SMS: variants seen among roughly 807,000 people sequenced by gnomAD.
The protein encoded by SMS is spermine synthase.
In SMS, 3 loss-of-function variants were observed where a neutral mutation model predicts 33.0. The observed-to-expected ratio is 0.09, with a 90% CI of 0.04 to 0.23. The LOEUF (loss-of-function observed/expected upper bound fraction) is 0.23. Ranked by LOEUF, SMS falls within the 10% of genes least tolerant of loss-of-function variation. The pLI is 1.00. For synonymous variants in SMS, 103 were observed against 112.2 expected, an observed-to-expected ratio of 0.92 and a Z score of 0.52; for missense variants, 117 against 288.6, an observed-to-expected ratio of 0.41 and a Z score of 4.31.
At chrX:21,964,136 G>A (rs1344863488) in intron 1 of SMS, among the ~76,000 whole-genome samples, 2 of 106,708 alleles carry the variant, frequency 1.9e-5, no homozygotes, top group African/African-American at 7.0e-5. Flanking sequence ...TCAGACCTTC[G>A]CTTTTAATTT....
At chrX:21,973,713 C>T (rs1423399460) in intron 4 of SMS, among the ~76,000 whole-genome samples, 4 of 113,273 alleles carry the variant, frequency 3.5e-5, no homozygotes, top group Non-Finnish European at 7.5e-5. Flanking sequence ...GGGATGGGCA[C>T]TAGCCCCACA....
Position 21,967,336 on chromosome X carries a change from G to A in SMS, c.170+20G>A, listed in dbSNP as rs1923803830. On this transcript the variant is annotated intron_variant, in intron 2 of 10. Transcript: ENST00000404933. ...CGGCAGGTGAGCAGTCTCCAGTGCTGTTCTTCATACCTGGTCACTTATGAG... is the reference window on the plus strand; with the variant it reads ...CGGCAGGTGAGCAGTCTCCAGTGCTATTCTTCATACCTGGTCACTTATGAG... The A allele has an allele frequency of 5.0e-6, 6 of 1,202,928 alleles. No individual in the cohort carries two copies. The highest frequency in any genetic ancestry group is 3.5e-5 in the African/African-American group (2 of 56,448).
At chrX:21,950,666 G>A (rs6633490) in intron 1 of SMS, among the ~76,000 whole-genome samples, 43,491 of 106,468 alleles carry the variant, frequency 0.41, 8,454 homozygotes, top group African/African-American at 0.72. Context: ...CTCATTGTTG[G>A]GCTCCCACTT....
At chrX:21,988,674 A>AAAAAAAAAAAAAAAAAAAAAAAAAG (rs1925548975) in intron 9 of SMS, among the ~76,000 whole-genome samples, 1 of 14,265 alleles carries the variant, frequency 7.0e-5, no homozygotes, top group Non-Finnish European at 4.1e-4. Flanking sequence ...AAAAAAAAAA[A>AAAAAAAAAAAAAAAAAAAAAAAAAG]AAAAAAAAAA....
At chrX:21,974,604 G>A (rs1365660155) in intron 4 of SMS, among the ~76,000 whole-genome samples, 2 of 111,977 alleles carry the variant, frequency 1.8e-5, no homozygotes, top group East Asian at 2.8e-4. Flanking sequence ...ATTTTTATCA[G>A]TTGCCTCTAG....
At chrX:21,961,040 T>C in intron 1 of SMS, among the ~76,000 whole-genome samples, 1 of 96,461 alleles carries the variant, frequency 1.0e-5, no homozygotes, top group African/African-American at 3.8e-5. Flanking sequence ...ATGTCTTTTT[T>C]TTTTTTTTTT....
chrX:21,945,971 C>G (rs1922200348), intron 1 of SMS, among the ~76,000 whole-genome samples: 1 of 111,523 alleles, frequency 9.0e-6, no homozygotes, highest in African/African-American at 3.3e-5. Flanking sequence ...GGCAGCAAGG[C>G]TAGTAAGTTT....
intron 1 of SMS, among the ~76,000 whole-genome samples, chrX:21,946,635 C>G (rs1161723990): frequency 9.0e-6 from 1 of 111,203 alleles, no homozygotes; most frequent in Non-Finnish European, 1.9e-5. Flanking sequence ...TGGGTGCTTC[C>G]CTCCGTGGGT....
chrX:21,978,737 C>A, intron 6 of SMS, 140 bp from the exon 7 acceptor site: 2 of 531,633 alleles, frequency 3.8e-6, no homozygotes, highest in South Asian at 5.1e-5. Context: ...AATAAAGTCA[C>A]TGCCTCATTC....
intron 1 of SMS, among the ~76,000 whole-genome samples, chrX:21,946,427 A>AT (rs1444898900): frequency 8.9e-6 from 1 of 112,774 alleles, no homozygotes; most frequent in Admixed American, 9.4e-5. Context: ...TTGTGCATTA[A>AT]TTTTAGGTAA....
intron 1 of SMS, among the ~76,000 whole-genome samples, chrX:21,946,904 G>T (rs189093642): frequency 1.1e-3 from 119 of 111,544 alleles, no homozygotes; most frequent in African/African-American, 3.5e-3. Context: ...GGCAGGGAAG[G>T]AGGATGGGCC....
chrX:21,941,884 CAAAAAAAAAAAAAAAAAAAAAAAAAAAA>C (rs760394146), intron 1 of SMS, among the ~76,000 whole-genome samples: 2 of 19,565 alleles, frequency 1.0e-4, no homozygotes, highest in East Asian at 2.0e-3. Flanking sequence ...GACCCTGTCT[CAAAAAAAAAAAAAAAAAAAAAAAAAAAA>C]AAAAAAAAAA....
intron 2 of SMS, among the ~76,000 whole-genome samples, chrX:21,968,386 C>G (rs1229106111): frequency 8.9e-6 from 1 of 112,645 alleles, no homozygotes; most frequent in Non-Finnish European, 1.9e-5. Flanking sequence ...GCCTGGACAT[C>G]TGGATTTCTC....
intron 2 of SMS, among the ~76,000 whole-genome samples, chrX:21,968,585 C>G (rs1422214133): frequency 8.9e-6 from 1 of 111,945 alleles, no homozygotes; most frequent in African/African-American, 3.3e-5. Context: ...GGACAGCTGA[C>G]CACACTTGGA....
Position 21,992,617 on chromosome X carries a change from A to C in SMS, c.966A>C (p.Thr322=), listed in dbSNP as rs141710642. 1.1e-4 allele frequency: 126 copies of C among 1,199,110 alleles called. No homozygotes were observed. The highest frequency in any genetic ancestry group is 1.3e-4 in the Non-Finnish European group (119 of 886,467). ...TTTAGGGGAACTGTGTCAATCTGAC[A>C]GAAGCACTGTCGCTCTATGAAGAAC... ...YFTQGNCVNL[T]EALSLYEEQL... is the part of the protein sequence containing the mutation. Residue 322 remains threonine, a synonymous_variant, in exon 10 of 11, where the codon ACA becomes ACC. Transcript: ENST00000404933.
chrX:21,961,363 G>A (rs779809139), intron 1 of SMS, among the ~76,000 whole-genome samples: 3 of 110,525 alleles, frequency 2.7e-5, no homozygotes, highest in African/African-American at 9.9e-5. Flanking sequence ...AATGTTAAGT[G>A]GCTGGTGATG....
rs553667086 is a variant in SMS at position 21,949,866 on chromosome X, C to T, written c.49+8993C>T. Among the ~76,000 whole-genome samples the T allele has an allele frequency of 4.6e-4, 51 of 110,063 alleles. 1 individual carries two copies. Among genetic ancestry groups the T allele is most frequent in the African/African-American group, 1.5e-3 (45 of 30,300 alleles). On this transcript the variant is annotated intron_variant, in intron 1 of 10. Coordinates refer to ENST00000404933, the MANE Select transcript of SMS (RefSeq NM_004595.5). Reference sequence around the variant, plus strand: ...CTCCAAAATCTGAAACTTTGAGCACCGACATAACACAAAAAAATGCTGATT... The same window carrying T: ...CTCCAAAATCTGAAACTTTGAGCACTGACATAACACAAAAAAATGCTGATT...
In SMS at chrX:21,994,316, G is replaced by T. The variant is rs1925946115; in HGVS notation, c.1066G>T (p.Val356Leu). ...VCVPSYLELW[V>L]FYTVWKKAKP Reference sequence around the variant, plus strand: ...ATTCCTTGACTCCCTGTCCAGGTGGGTATTTTACACTGTTTGGAAGAAAGC... The same window carrying T: ...ATTCCTTGACTCCCTGTCCAGGTGGTTATTTTACACTGTTTGGAAGAAAGC... Residue 356 changes from valine to leucine, a missense_variant, in exon 11 of 11, where the codon GTA (valine) becomes TTA (leucine). Around this residue, in one of 3 missense-constraint regions of SMS, gnomAD observed 69 missense variants for 203.8 expected, o/e 0.34. Transcript: ENST00000404933. 1 of 1,206,091 alleles carries T rather than the reference G, an allele frequency of 8.3e-7. No homozygotes were observed. Among genetic ancestry groups the T allele is most frequent in the African/African-American group, 1.8e-5 (1 of 56,990 alleles).
chrX:21,975,001 A>G (rs1924445802), intron 4 of SMS, among the ~76,000 whole-genome samples: 1 of 110,741 alleles, frequency 9.0e-6, no homozygotes, highest in Admixed American at 9.7e-5. Context: ...CTAAGAAGCT[A>G]TGGGATGTAC....
Sources: allele counts gnomAD v4.1 joint callset (sites outside exome capture counted in the v4.1 genomes callset), GRCh38; gene constraint gnomAD v4.1.1; regional missense constraint gnomAD v4.1.1; transcripts MANE v1.5; gene names NCBI Gene and HGNC (gene_info 2026-07-23, HGNC 2026-07-21).